Variants in ERV3-1 observed in about 807,000 individuals in gnomAD.
ERV3-1 encodes endogenous retrovirus group 3 member 1, envelope.
Under a neutral mutation model 24.6 loss-of-function variants are expected in ERV3-1, and 36 were observed. The observed-to-expected ratio is 1.47, with a 90% CI of 1.12 to 1.94. The LOEUF is 1.94. Ranked by LOEUF, ERV3-1 falls within the 30% of genes most tolerant of loss-of-function variation. The pLI is 0.00. For synonymous variants in ERV3-1, 211 were observed against 122.6 expected (o/e 1.72, Z -4.76); for missense variants, 578 against 330.9 (o/e 1.75, Z -5.79).
rs1786246839 is a variant in ERV3-1, at chr7:64,990,812, C to T, written c.*400G>A. On this transcript the variant is annotated 3_prime_UTR_variant, in exon 2 of 2. Transcript: ENST00000394323. ...CCTTCGGAGCCCCTGCCTGGCCTTG[C>T]AGATAATTATCATAGCTCCAGCAGG... is the stretch of plus-strand genomic sequence containing the variant. The T allele has an allele frequency of 6.4e-6, 1 of 156,130 alleles. No homozygotes were observed. The highest frequency in any genetic ancestry group is 2.0e-4 in the South Asian group (1 of 4,906). 9.7% of individuals were successfully genotyped at this position (156,130 alleles called of 1,614,324 possible). A position where few individuals can be genotyped will look rare whatever the true frequency, so the allele number is the denominator to read the frequency against.
rs1786655029 is a variant in ERV3-1, at chr7:65,006,542, A to G, written c.-390T>C. ...GGATGTCGGACCCGGCACTCTCACC[A>G]TTTCTAGGCTTCCAGTGGGTCCTGG... On this transcript the variant is annotated splice_region_variant and 5_prime_UTR_variant, in exon 1 of 2. The change abolishes an upstream ATG in the 5' untranslated region. Transcript: ENST00000394323. The G allele has an allele frequency of 2.5e-6, 4 of 1,576,246 alleles. No homozygotes were observed. In the East Asian group the frequency reaches 9.0e-5, roughly 35 times the overall value.
At chr7:65,000,743 T>C (rs949757924) in intron 1 of ERV3-1, among the ~76,000 whole-genome samples, 1 of 152,084 alleles carries the variant, frequency 6.6e-6, no homozygotes, top group African/African-American at 2.4e-5. Context: ...CAAGATCACA[T>C]CACTGTACTT....
Position 64,991,930 on chromosome 7 carries a change from T to C in ERV3-1, c.1097A>G (p.Gln366Arg). The C allele has an allele frequency of 1.3e-6, 1 of 766,412 alleles. No individual in the cohort carries two copies. 47.5% of individuals were successfully genotyped at this position (766,412 alleles called of 1,614,324 possible). A position where few individuals can be genotyped will look rare whatever the true frequency, so the allele number is the denominator to read the frequency against. ...CTTTCCTAGTGTCTCGTTGTAATAT[T>C]GTTGTCCTAGGCAAGTTAACTCTCC... ...PVGELTCLGQ[Q>R]YYNETLGKTL... The change falls in exon 2 of 2, where the codon CAA (glutamine) becomes CGA (arginine). Residue 366 changes from glutamine (Q) to arginine (R), a missense_variant. Gln to Arg is a conservative substitution (Grantham distance 43, BLOSUM62 1). Transcript: ENST00000394323.
intron 1 of ERV3-1, among the ~76,000 whole-genome samples, chr7:65,002,689 T>C (rs893739356): frequency 1.3e-5 from 2 of 152,246 alleles, no homozygotes; most frequent in African/African-American, 2.4e-5. Context: ...TCCTGAACTT[T>C]GAGCTACTCT....
intron 1 of ERV3-1, among the ~76,000 whole-genome samples, chr7:64,996,318 A>C (rs1368563069): frequency 6.6e-6 from 1 of 152,236 alleles, no homozygotes; most frequent in East Asian, 1.9e-4. Flanking sequence ...CTCTTGGGAA[A>C]GTGGGTACTG....
Position 64,993,134 on chromosome 7 carries a change from A to C in ERV3-1, c.-108T>G. ...ATTACTGGACTTCAGATTTCTAACC[A>C]CATTTACTTCCCTGATGATGACTCA... On this transcript the variant is annotated 5_prime_UTR_variant, in exon 2 of 2. Coordinates refer to ENST00000394323, the MANE Select transcript of ERV3-1 (RefSeq NM_001007253.4). 3 of 608,736 alleles carry C rather than the reference A, an allele frequency of 4.9e-6. No individual in the cohort carries two copies. The highest frequency in any genetic ancestry group is 2.9e-6 in the Non-Finnish European group (1 of 341,156). The allele number at this position is 608,736 out of a possible 1,614,324, so 37.7% of individuals were successfully genotyped here. A position where few individuals can be genotyped will look rare whatever the true frequency, so the allele number is the denominator to read the frequency against.
Position 65,002,033 on chromosome 7 carries a change from T to G in ERV3-1, c.-389+4508A>C, listed in dbSNP as rs564606365. On this transcript the variant is annotated intron_variant, in intron 1 of 1. Transcript: ENST00000394323. ...AAATACTGTAGTTATGTTTACCCAT[T>G]TATTATACAAAATACAACCCAGAAA... is the stretch of plus-strand genomic sequence containing the variant. 7.3e-4 allele frequency among the ~76,000 whole-genome samples: 111 copies of G among 152,346 alleles called. 2 individuals are homozygous for G. The South Asian group carries it at 0.022, about 30-fold the overall frequency.
intron 1 of ERV3-1, among the ~76,000 whole-genome samples, chr7:64,999,816 C>T (rs1333343508): frequency 1.3e-5 from 2 of 152,184 alleles, no homozygotes; most frequent in Non-Finnish European, 1.5e-5. Flanking sequence ...CTTTTGGGGT[C>T]CCTGCCTGGC....
chr7:64,991,348 T>C lies in ERV3-1; in HGVS notation c.1679A>G (p.Gln560Arg), dbSNP rs1000699567. ...NRLALDYLLA[Q>R]EEGVCGKFNL... is the part of the protein sequence containing the mutation. ...GAACTTTCCGCATACTCCCTCTTCCTGGGCTAGGAGGTAGTCTAAGGCCAG... is the reference window on the plus strand; with the variant it reads ...GAACTTTCCGCATACTCCCTCTTCCCGGGCTAGGAGGTAGTCTAAGGCCAG... The change falls in exon 2 of 2, where the codon CAG (glutamine) becomes CGG (arginine). Residue 560 changes from glutamine (Q) to arginine (R), a missense_variant. Physicochemically the swap from Gln to Arg is conservative, Grantham distance 43. Transcript: ENST00000394323. 3 of 704,936 alleles carry C rather than the reference T, an allele frequency of 4.3e-6. No homozygotes were observed. The highest frequency in any genetic ancestry group is 2.0e-5 in the Admixed American group (1 of 50,042). 43.7% of individuals were successfully genotyped at this position (704,936 alleles called of 1,614,324 possible).
chr7:65,001,127 A>C (rs1022776733), intron 1 of ERV3-1, among the ~76,000 whole-genome samples: 2 of 152,058 alleles, frequency 1.3e-5, no homozygotes, highest in African/African-American at 4.8e-5. Context: ...TGCATGCCAA[A>C]CCCCCCGTGA....
At chr7:64,995,931 C>A (rs1015289114) in intron 1 of ERV3-1, among the ~76,000 whole-genome samples, 7 of 152,146 alleles carry the variant, frequency 4.6e-5, no homozygotes, top group Non-Finnish European at 7.4e-5. Flanking sequence ...ATTCTTGAAC[C>A]CTTGTGGGAG....
chr7:65,001,545 T>C (rs577946258), intron 1 of ERV3-1, among the ~76,000 whole-genome samples: 8 of 152,206 alleles, frequency 5.3e-5, no homozygotes, highest in Middle Eastern at 3.4e-3. Flanking sequence ...AATCCTGAGG[T>C]GGCAGTGGTG....
At position 64,991,315 on chromosome 7, in the gene ERV3-1, G is replaced by C. The variant is rs377340326; in HGVS notation, c.1712C>G (p.Thr571Ser). Residue 571 changes from threonine to serine, a missense_variant, in exon 2 of 2, where the codon ACT becomes AGT. By Grantham distance (58) the Thr-to-Ser change is moderately conservative (BLOSUM62 1). Transcript: ENST00000394323. ...EEGVCGKFNL[T>S]NCCLELDDEG... is the part of the protein sequence containing the mutation. ...GTCATCAAGTTCCAGGCAGCAGTTA[G>C]TAAGGTTGAACTTTCCGCATACTCC... The C allele has an allele frequency of 3.2e-5, 23 of 711,174 alleles. No individual in the cohort carries two copies. The highest frequency in any genetic ancestry group is 2.8e-5 in the Non-Finnish European group (11 of 388,254). 44.1% of individuals were successfully genotyped at this position (711,174 alleles called of 1,614,324 possible). A position where few individuals can be genotyped will look rare whatever the true frequency, so the allele number is the denominator to read the frequency against.
At chr7:65,003,682 C>T (rs1039944334) in intron 1 of ERV3-1, 4 of 152,058 alleles carry the variant, frequency 2.6e-5, no homozygotes, top group Non-Finnish European at 5.9e-5. Context: ...TTTCATACCT[C>T]AATAAGAAAT....
Position 65,006,451 on chromosome 7 carries a change from C to CGG in ERV3-1, c.-389+88_-389+89dup. ...GGGCCGCGGATTTTGGAGCCAGCTG[C>CGG]GGGGAGGCCAGAGTCCCGCCACAGC... On this transcript the variant is annotated intron_variant, in intron 1 of 1. Transcript: ENST00000394323. 2.0e-6 allele frequency: 3 copies of CGG among 1,525,298 alleles called. No individual in the cohort carries two copies. The South Asian group carries it at 3.4e-5, about 17-fold the overall frequency. 94.5% of individuals were successfully genotyped at this position (1,525,298 alleles called of 1,614,324 possible). A position where few individuals can be genotyped will look rare whatever the true frequency, so the allele number is the denominator to read the frequency against.
chr7:64,996,392 C>A (rs1786408905), intron 1 of ERV3-1, among the ~76,000 whole-genome samples: 1 of 152,110 alleles, frequency 6.6e-6, no homozygotes, highest in Non-Finnish European at 1.5e-5. Flanking sequence ...TTACAGCCAG[C>A]CCAGGTGGCT....
intron 1 of ERV3-1, among the ~76,000 whole-genome samples, chr7:64,997,981 G>A (rs1786441011): frequency 1.3e-5 from 2 of 152,186 alleles, no homozygotes; most frequent in South Asian, 4.1e-4. Flanking sequence ...ACACTCTGGT[G>A]TGGCCAGGTC....
At chr7:65,005,498 C>A (rs951768202) in intron 1 of ERV3-1, among the ~76,000 whole-genome samples, 1 of 152,048 alleles carries the variant, frequency 6.6e-6, no homozygotes, top group Middle Eastern at 3.2e-3. Flanking sequence ...AAAATGCCAG[C>A]CAATGCTTTG....
At chr7:64,997,006 GTC>G (rs1786418364) in intron 1 of ERV3-1, among the ~76,000 whole-genome samples, 1 of 152,204 alleles carries the variant, frequency 6.6e-6, no homozygotes, top group African/African-American at 2.4e-5. Flanking sequence ...CAGTTTTATA[GTC>G]TCTGTCATTT....
Sources: gnomAD v4.1 joint callset for allele counts (sites outside exome capture counted in the v4.1 genomes callset) on GRCh38, gnomAD v4.1.1 for gene constraint, MANE v1.5 for transcripts, NCBI Gene and HGNC (gene_info 2026-07-23, HGNC 2026-07-21) for gene names.